Variants in CD96 observed in about 807,000 individuals in gnomAD.
CD96 encodes CD96 molecule.
A neutral mutation model predicts 71.3 loss-of-function variants in CD96; 70 were observed. The observed-to-expected ratio is 0.98, with a 90% CI of 0.81 to 1.20. CD96 has a LOEUF of 1.20. Among genes scored for constraint, CD96 ranks in the 50% most tolerant of loss-of-function variants. The pLI is 0.00. For missense variants in CD96, 742 were observed against 677.5 expected, an observed-to-expected ratio of 1.10 and a Z score of -1.06; for synonymous variants, 248 against 233.0, an observed-to-expected ratio of 1.06 and a Z score of -0.59.
intron 1 of CD96, among the ~76,000 whole-genome samples, chr3:111,542,524 T>G (rs1450360205): frequency 6.6e-6 from 1 of 152,144 alleles, no homozygotes. Context: ...AAGAAGGGAA[T>G]GGGTCATTTG....
intron 5 of CD96, chr3:111,593,721 G>A (rs1450541059): frequency 3.1e-6 from 5 of 1,613,990 alleles, no homozygotes; most frequent in South Asian, 1.1e-5. Context: ...TCCCTCCTAA[G>A]CACCTCCTTT....
chr3:111,611,367 A>T (rs1011429332), intron 8 of CD96, among the ~76,000 whole-genome samples: 1 of 152,210 alleles, frequency 6.6e-6, no homozygotes, highest in East Asian at 1.9e-4. Context: ...GCATGTCAGA[A>T]ATGGTGGGGG....
intron 10 of CD96, among the ~76,000 whole-genome samples, chr3:111,626,660 A>G (rs1938780347): frequency 6.6e-6 from 1 of 152,240 alleles, no homozygotes; most frequent in South Asian, 2.1e-4. Flanking sequence ...TTCATATAGC[A>G]AAAACTTTAA....
intron 8 of CD96, among the ~76,000 whole-genome samples, chr3:111,614,290 C>T (rs910983554): frequency 5.3e-5 from 8 of 152,114 alleles, no homozygotes; most frequent in Admixed American, 6.5e-5. Context: ...TCCTCTCCTC[C>T]GCTCCTAGCT....
intron 3 of CD96, among the ~76,000 whole-genome samples, chr3:111,568,232 AACAG>A (rs1456297826): frequency 6.6e-6 from 1 of 152,178 alleles, no homozygotes; most frequent in East Asian, 1.9e-4. Context: ...AAAAACAAAA[AACAG>A]ACAAACAAAC....
chr3:111,577,730 A>T (rs1173436828), intron 3 of CD96, among the ~76,000 whole-genome samples: 1 of 152,214 alleles, frequency 6.6e-6, no homozygotes, highest in Non-Finnish European at 1.5e-5. Context: ...CTATTTAAGA[A>T]GTCTACCTTA....
chr3:111,600,970 A>G (rs565605669), intron 7 of CD96, 56 bp downstream of exon 7: 4 of 1,109,124 alleles, frequency 3.6e-6, no homozygotes, highest in Admixed American at 1.7e-5. Flanking sequence ...CCATAAATTC[A>G]AAATATCTTT....
intron 2 of CD96, among the ~76,000 whole-genome samples, chr3:111,550,689 T>C (rs1019401250): frequency 6.6e-6 from 1 of 151,886 alleles, no homozygotes; most frequent in African/African-American, 2.4e-5. Context: ...TTCTCTAAAA[T>C]AGGAAACAAA....
intron 12 of CD96, among the ~76,000 whole-genome samples, chr3:111,642,103 C>A (rs1939619775): frequency 6.6e-6 from 1 of 152,100 alleles, no homozygotes; most frequent in Admixed American, 6.5e-5. Context: ...GAAACAAGAA[C>A]AAACTGAACC....
chr3:111,593,635 C>T (rs142166892), intron 5 of CD96: 30 of 1,599,434 alleles, frequency 1.9e-5, no homozygotes, highest in Non-Finnish European at 2.4e-5. Flanking sequence ...ACTTCATCTC[C>T]AGGATGGCCC....
intron 5 of CD96, among the ~76,000 whole-genome samples, chr3:111,589,460 A>G (rs945055189): frequency 6.6e-6 from 1 of 152,208 alleles, no homozygotes; most frequent in Non-Finnish European, 1.5e-5. Context: ...TTTCCTTCCT[A>G]GAGAATTAGT....
At position 111,651,437 on chromosome 3, in the gene CD96, C is replaced by T. The variant is rs1940071115; in HGVS notation, c.*1631C>T. Reference sequence around the variant, plus strand: ...CAATGTTGAGAATGAGTACCACTCTCACCATTGGTATAGCCAAAAAAGCTT... The same window carrying T: ...CAATGTTGAGAATGAGTACCACTCTTACCATTGGTATAGCCAAAAAAGCTT... On this transcript the variant is annotated 3_prime_UTR_variant, in exon 14 of 14. Transcript: ENST00000352690. The T allele has an allele frequency of 6.6e-6, 1 of 152,232 alleles. No homozygotes were observed. Among genetic ancestry groups the T allele is most frequent in the African/African-American group, 2.4e-5 (1 of 41,434 alleles). The allele number at this position is 152,232 out of a possible 1,614,324, so 9.4% of individuals were successfully genotyped here.
chr3:111,654,883 G>C (rs1372377902), downstream of CD96, among the ~76,000 whole-genome samples: 1 of 152,208 alleles, frequency 6.6e-6, no homozygotes, highest in Non-Finnish European at 1.5e-5. Flanking sequence ...AGGTAGGCTG[G>C]AGGGGATAGA....
chr3:111,589,384 C>G (rs2107614020), intron 5 of CD96, among the ~76,000 whole-genome samples: 1 of 152,274 alleles, frequency 6.6e-6, no homozygotes, highest in South Asian at 2.1e-4. Context: ...AAAACTTTAC[C>G]TAATGTGCCA....
At chr3:111,656,772 T>TGC (rs1940239999), downstream of CD96, among the ~76,000 whole-genome samples, 1 of 152,130 alleles carries the variant, frequency 6.6e-6, no homozygotes, top group African/African-American at 2.4e-5. Flanking sequence ...GCATGTAATA[T>TGC]GCTACCTTTG....
At chr3:111,595,272 T>G (rs796679490) in intron 5 of CD96, 1 of 152,160 alleles carries the variant, frequency 6.6e-6, no homozygotes, top group Non-Finnish European at 1.5e-5. Context: ...AGTTAGGAAA[T>G]TCCCCCCAGC....
rs75365022 is a variant in CD96 at position 111,578,680 on chromosome 3, G to A, written c.544-347G>A. The stretch of plus-strand genomic sequence containing the variant: ...CTGATACAGTCTTCTCATCTTAGCA[G>A]TAAGATGTCAGAACTTCTTAAATAA... On this transcript the variant is annotated intron_variant, in intron 3 of 13. Coordinates refer to ENST00000352690, the MANE Select transcript of CD96 (RefSeq NM_005816.5). Among the ~76,000 whole-genome samples the A allele has an allele frequency of 8.5e-3, 1,291 of 152,280 alleles. 29 individuals are homozygous for A. Among genetic ancestry groups the A allele is most frequent in the African/African-American group, 0.029 (1,221 of 41,540 alleles).
At chr3:111,571,634 G>A (rs1380116078) in intron 3 of CD96, among the ~76,000 whole-genome samples, 1 of 152,172 alleles carries the variant, frequency 6.6e-6, no homozygotes, top group African/African-American at 2.4e-5. Context: ...TTTAAAGAAT[G>A]CACCATGATA....
chr3:111,597,019 C>T (rs975477070), intron 5 of CD96, among the ~76,000 whole-genome samples: 4 of 152,144 alleles, frequency 2.6e-5, no homozygotes, highest in African/African-American at 9.7e-5. Flanking sequence ...TTAGCATTCT[C>T]GAATTTGGTT....
Sources: gnomAD v4.1 joint callset for allele counts (sites outside exome capture counted in the v4.1 genomes callset) on GRCh38, gnomAD v4.1.1 for gene constraint, MANE v1.5 for transcripts, NCBI Gene and HGNC (gene_info 2026-07-23, HGNC 2026-07-21) for gene names.